The following CD200R1 variants were observed in gnomAD, a reference collection of about 807,000 sequenced individuals.
CD200R1 encodes CD200 receptor 1, also known as cell surface glycoprotein CD200 receptor 1.
In CD200R1, 30 loss-of-function variants were observed where a neutral mutation model predicts 38.1. That is an observed-to-expected ratio of 0.79 (90% CI 0.59 to 1.07). The LOEUF is 1.07. CD200R1 is among the 50% of genes least tolerant of loss of function. The probability of loss-of-function intolerance (pLI) is 0.00; values close to 1 mark genes in which losing one functional copy is unlikely to be tolerated. For missense variants in CD200R1, 372 were observed against 415.4 expected, an observed-to-expected ratio of 0.90 and a Z score of 0.91; for synonymous variants, 128 against 152.1, an observed-to-expected ratio of 0.84 and a Z score of 1.16.
At chr3:112,939,852 G>GAAAAAAACAAACAAACAAA (rs1940682685) in intron 2 of CD200R1, among the ~76,000 whole-genome samples, 1 of 112,342 alleles carries the variant, frequency 8.9e-6, no homozygotes, top group African/African-American at 3.6e-5. Context: ...CCCATACTGA[G>GAAAAAAACAAACAAACAAA]CAAAAAACAA....
intron 2 of CD200R1, among the ~76,000 whole-genome samples, chr3:112,932,145 G>T (rs1940458233): frequency 6.6e-6 from 1 of 152,112 alleles, no homozygotes; most frequent in Admixed American, 6.5e-5. Flanking sequence ...CACCCTCTGT[G>T]AGCCAAGCTG....
At chr3:112,945,981 C>CTGGGCG (rs1271731536) in intron 2 of CD200R1, among the ~76,000 whole-genome samples, 1 of 130,068 alleles carries the variant, frequency 7.7e-6, no homozygotes, top group African/African-American at 3.0e-5. Flanking sequence ...TGCAGTGAGC[C>CTGGGCG]AAGATCGCGC....
intron 2 of CD200R1, among the ~76,000 whole-genome samples, chr3:112,941,353 T>C (rs182077005): frequency 6.6e-6 from 1 of 151,806 alleles, no homozygotes; most frequent in Admixed American, 6.6e-5. Flanking sequence ...ATATGCCAAT[T>C]ACCATGATCT....
At chr3:112,956,915 C>G (rs567096720) in intron 1 of CD200R1, among the ~76,000 whole-genome samples, 40 of 152,312 alleles carry the variant, frequency 2.6e-4, no homozygotes, top group African/African-American at 9.1e-4. Flanking sequence ...ATGCAAGGTG[C>G]TGACTGAGTT....
At position 112,929,209 on chromosome 3, in the gene CD200R1, T is replaced by C. The variant is rs750626995; in HGVS notation, c.501A>G (p.Gly167=). 1 of 1,614,208 alleles carries C rather than the reference T, an allele frequency of 6.2e-7. No homozygotes were observed. The highest frequency in any genetic ancestry group is 1.1e-5 in the South Asian group (1 of 91,088). Residue 167 remains glycine (G), a synonymous_variant, in exon 4 of 8, where the codon GGA becomes GGG. Coordinates refer to ENST00000308611, the MANE Select transcript of CD200R1 (RefSeq NM_138806.4). ...CCTTACCTAACACTTGGAGGTGATA[T>C]CCACGATGGAAATTCCCATCAGGTG... ...MVTPDGNFHR[G]YHLQVLVTPE...
chr3:112,931,198 T>C (rs748821013), intron 2 of CD200R1, 27 bp from the exon 3 acceptor site: 1 of 1,458,176 alleles, frequency 6.9e-7, no homozygotes. Context: ...GAAGAATAAA[T>C]GAAATCAATT....
intron 7 of CD200R1, 26 bp downstream of exon 7, chr3:112,924,464 A>G: frequency 7.7e-7 from 1 of 1,304,330 alleles, no homozygotes; most frequent in Non-Finnish European, 1.0e-6. Flanking sequence ...TTAAGTTTGC[A>G]ATTAGTCTTT....
chr3:112,967,142 T>C (rs1933188224), intron 1 of CD200R1, among the ~76,000 whole-genome samples: 4 of 152,176 alleles, frequency 2.6e-5, no homozygotes, highest in Admixed American at 2.6e-4. Flanking sequence ...TTCTACAAGC[T>C]ATCTTTCTCC....
intron 1 of CD200R1, among the ~76,000 whole-genome samples, chr3:112,961,727 C>A (rs1559956309): frequency 6.6e-6 from 1 of 151,812 alleles, no homozygotes; most frequent in Non-Finnish European, 1.5e-5. Flanking sequence ...TGTTGCCAAG[C>A]AAAAACCTGG....
chr3:112,949,276 G>A (rs1256236222), intron 1 of CD200R1, among the ~76,000 whole-genome samples: 7 of 152,342 alleles, frequency 4.6e-5, no homozygotes, highest in Middle Eastern at 3.4e-3. Context: ...AGATACACTC[G>A]TAGCTTATCT....
chr3:112,924,256 ACAT>A (rs1462598307), intron 7 of CD200R1, among the ~76,000 whole-genome samples: 1 of 152,026 alleles, frequency 6.6e-6, no homozygotes, highest in Non-Finnish European at 1.5e-5. Context: ...AAGGAGCCAA[ACAT>A]CATATGTGTT....
chr3:112,928,939 A>G lies in CD200R1; in HGVS notation c.646T>C (p.Trp216Arg), dbSNP rs900427390. ...TTAACAGTCACTGTGCCATTGCTCC[A>G]GTATTCTTGCTTAGTGGCACAATCG... ...EGDCATKQEY[W>R]SNGTVTVKST... is the part of the protein sequence containing the mutation. Residue 216 changes from tryptophan (W) to arginine (R), a missense_variant, in exon 5 of 8, where the codon TGG becomes CGG. Physicochemically the swap from Trp to Arg is moderately radical, Grantham distance 101. Coordinates refer to ENST00000308611, the MANE Select transcript of CD200R1 (RefSeq NM_138806.4). 6.2e-7 allele frequency: 1 copy of G among 1,614,078 alleles called. No homozygotes were observed.
Position 112,974,920 on chromosome 3 carries a change from C to T in CD200R1, c.-63G>A, listed in dbSNP as rs1257582782. 1.5e-6 allele frequency: 2 copies of T among 1,336,436 alleles called. No homozygotes were observed. The highest frequency in any genetic ancestry group is 2.9e-5 in the African/African-American group (2 of 69,354). The allele number at this position is 1,336,436 out of a possible 1,614,324, so 82.8% of individuals were successfully genotyped here. A position where few individuals can be genotyped will look rare whatever the true frequency, so the allele number is the denominator to read the frequency against. ...TTCCTCCACACAGGTACAGAAGGAA[C>T]TGTGCGCATGGTGAGACCCTCTCTG... On this transcript the variant is annotated 5_prime_UTR_variant, in exon 1 of 8. Transcript: ENST00000308611.
chr3:112,954,875 G>T (rs1016390824), intron 1 of CD200R1, among the ~76,000 whole-genome samples: 6 of 152,180 alleles, frequency 3.9e-5, no homozygotes, highest in Admixed American at 6.5e-5. Context: ...AACCAAAGGA[G>T]GGGGTCATGG....
intron 7 of CD200R1, among the ~76,000 whole-genome samples, 159 bp downstream of exon 7, chr3:112,924,331 A>G (rs1452030918): frequency 6.6e-6 from 1 of 151,962 alleles, no homozygotes; most frequent in Non-Finnish European, 1.5e-5. Flanking sequence ...AGTATTTGAT[A>G]GATAATTAAC....
At chr3:112,949,107 A>C (rs994073632) in intron 1 of CD200R1, among the ~76,000 whole-genome samples, 1 of 152,252 alleles carries the variant, frequency 6.6e-6, no homozygotes, top group Non-Finnish European at 1.5e-5. Flanking sequence ...ATGGCATTTA[A>C]AGGAGGTACA....
intron 5 of CD200R1, among the ~76,000 whole-genome samples, chr3:112,928,348 ATAAAC>A (rs896914073): frequency 5.3e-5 from 8 of 152,324 alleles, no homozygotes; most frequent in African/African-American, 1.7e-4. Flanking sequence ...CAGAGAGTAA[ATAAAC>A]TAAACAGTGA....
At position 112,946,032 on chromosome 3, in the gene CD200R1, C is replaced by CAAAA. The variant is rs1208921538; in HGVS notation, c.136+1820_136+1823dup. Among the ~76,000 whole-genome samples the CAAAA allele has an allele frequency of 3.6e-3, 257 of 71,186 alleles. 4 individuals carry two copies. The highest frequency in any genetic ancestry group is 0.012 in the East Asian group (28 of 2,372). The allele number at this position is 71,186 out of a possible 152,430, so 46.7% of individuals were successfully genotyped here. A position where few individuals can be genotyped will look rare whatever the true frequency, so the allele number is the denominator to read the frequency against. ...TGGGCGACAAAGCGAGACTCCGTCT[C>CAAAA]AAAAAAAAAAAAAAAAAAAAGGAGA... On this transcript the variant is annotated intron_variant, in intron 2 of 7. Transcript: ENST00000308611.
In CD200R1 at chr3:112,957,201, T is replaced by C. The variant is rs557749382; in HGVS notation, c.68-9277A>G. Among the ~76,000 whole-genome samples the C allele has an allele frequency of 4.6e-5, 7 of 152,350 alleles. No homozygotes were observed. In the East Asian group the frequency reaches 1.2e-3, roughly 25 times the overall value. ...TCTTCAATATATCTTTTCTTATTAATATACTTATAACTAGGCACTGTGTTC... is the reference window on the plus strand; with the variant it reads ...TCTTCAATATATCTTTTCTTATTAACATACTTATAACTAGGCACTGTGTTC... On this transcript the variant is annotated intron_variant, in intron 1 of 7. Coordinates refer to ENST00000308611, the MANE Select transcript of CD200R1 (RefSeq NM_138806.4).
Sources: allele counts gnomAD v4.1 joint callset (sites outside exome capture counted in the v4.1 genomes callset), GRCh38; gene constraint gnomAD v4.1.1; transcripts MANE v1.5; gene names NCBI Gene and HGNC (gene_info 2026-07-23, HGNC 2026-07-21).